MECOM: variants seen among roughly 807,000 people sequenced by gnomAD.
The protein encoded by MECOM is histone-lysine N-methyltransferase MECOM.
MECOM carries 13 observed loss-of-function variants against 116.3 expected under a neutral mutation model. The observed-to-expected ratio is 0.11, with a 90% CI of 0.07 to 0.18. The LOEUF (loss-of-function observed/expected upper bound fraction) is 0.18, where lower values mean the gene tolerates loss of function less well. Among genes scored for constraint, MECOM ranks in the 10% least tolerant of loss-of-function variants. The pLI is 1.00. For synonymous variants in MECOM, 528 were observed against 535.2 expected (o/e 0.99, Z 0.19); for missense variants, 1,299 against 1,509.0 (o/e 0.86, Z 2.31).
chr3:169,258,778 G>GT (rs1187532496), intron 2 of MECOM, among the ~76,000 whole-genome samples: 3 of 152,192 alleles, frequency 2.0e-5, no homozygotes, highest in African/African-American at 7.2e-5. Flanking sequence ...AACATTTTAA[G>GT]TACCTCCACT....
rs140006697 is a variant in MECOM at position 169,468,116 on chromosome 3, AT to A, written c.38-86593del. Among the ~76,000 whole-genome samples the A allele has an allele frequency of 4.7e-5, 7 of 149,872 alleles. No homozygotes were observed. In the East Asian group the frequency reaches 5.9e-4, roughly 13 times the overall value. ...TGCTTCTTACTAACAAAACCCACTA[AT>A]TTTTTTTTTCATCTGCCTATCACCT... is the stretch of plus-strand genomic sequence containing the variant. On this transcript the variant is annotated intron_variant, in intron 1 of 16. Transcript: ENST00000651503.
intron 1 of MECOM, among the ~76,000 whole-genome samples, chr3:169,545,810 G>T (rs566964901): frequency 1.3e-3 from 199 of 152,200 alleles, no homozygotes; most frequent in Non-Finnish European, 2.3e-3. Flanking sequence ...GCTGCCACTT[G>T]CTCTGACCAT....
At chr3:169,588,195 C>T (rs1191178630) in intron 1 of MECOM, among the ~76,000 whole-genome samples, 1 of 152,162 alleles carries the variant, frequency 6.6e-6, no homozygotes, top group African/African-American at 2.4e-5. Context: ...TGTAAGCACT[C>T]ATTTTATCAA....
At chr3:169,394,308 T>C (rs1411528919) in intron 1 of MECOM, among the ~76,000 whole-genome samples, 1 of 152,174 alleles carries the variant, frequency 6.6e-6, no homozygotes, top group African/African-American at 2.4e-5. Flanking sequence ...TACAATCTTG[T>C]TGGGGAGATA....
rs574476172 is a variant in MECOM at position 169,349,975 on chromosome 3, A to G, written c.375+31212T>C. ...TTATAATGGCTACAATTCAATTAAT[A>G]TATCTACTTATAATATCAATATTTA... On this transcript the variant is annotated intron_variant, in intron 2 of 16. Coordinates refer to ENST00000651503, the MANE Select transcript of MECOM (RefSeq NM_004991.4). Among the ~76,000 whole-genome samples the G allele has an allele frequency of 2.4e-4, 36 of 152,132 alleles. No homozygotes were observed. The South Asian group carries it at 3.7e-3, about 16-fold the overall frequency.
At position 169,121,181 on chromosome 3, in the gene MECOM, C is replaced by T. The variant is rs1223083082; in HGVS notation, c.1007G>A (p.Arg336Gln). 6.8e-6 allele frequency: 11 copies of T among 1,611,930 alleles called. No homozygotes were observed. The highest frequency in any genetic ancestry group is 1.3e-5 in the African/African-American group (1 of 74,896). ...ACCGACATGCTGAGAGCGAATGTGC[C>T]GCTGAAGGTTGCTAGGGTCCGTGAA... ...KVFTDPSNLQ[R>Q]HIRSQHVGAR... Residue 336 changes from arginine (R) to glutamine (Q), a missense_variant, in exon 7 of 17, where the codon CGG becomes CAG. Physicochemically the swap from Arg to Gln is conservative, Grantham distance 43. Around this residue, in one of 6 missense-constraint regions of MECOM, gnomAD observed 374 missense variants for 433.4 expected, o/e 0.86. Coordinates refer to ENST00000651503, the MANE Select transcript of MECOM (RefSeq NM_004991.4).
intron 1 of MECOM, among the ~76,000 whole-genome samples, chr3:169,548,970 TC>T (rs147632986): frequency 8.2e-5 from 11 of 133,436 alleles, no homozygotes; most frequent in Non-Finnish European, 1.4e-4. Flanking sequence ...CATTTGTCTC[TC>T]TTTTTTTTTT....
intron 1 of MECOM, chr3:169,476,794 C>T (rs2108824861): frequency 6.6e-6 from 1 of 151,762 alleles, no homozygotes; most frequent in Non-Finnish European, 1.5e-5. Context: ...TTGAGATTAC[C>T]CTTGTGAAGC....
intron 2 of MECOM, among the ~76,000 whole-genome samples, chr3:169,376,619 A>C (rs1290793): frequency 0.81 from 122,581 of 152,014 alleles, 50,028 homozygotes; most frequent in African/African-American, 0.94. Context: ...ATACTACTTA[A>C]AAGGGAAGTG....
intron 1 of MECOM, among the ~76,000 whole-genome samples, chr3:169,598,892 G>A (rs868711739): frequency 6.6e-6 from 1 of 152,182 alleles, no homozygotes; most frequent in Non-Finnish European, 1.5e-5. Context: ...TCAAAGGAAA[G>A]AGAAGAGAGA....
intron 1 of MECOM, among the ~76,000 whole-genome samples, chr3:169,589,246 A>G (rs768741962): frequency 6.6e-6 from 1 of 152,154 alleles, no homozygotes; most frequent in East Asian, 1.9e-4. Context: ...AAGATGGAGA[A>G]GAAGGCCCCA....
At position 169,287,548 on chromosome 3, in the gene MECOM, G is replaced by A. The variant is rs1294500724; in HGVS notation, c.375+93639C>T. The stretch of plus-strand genomic sequence containing the variant: ...CAGAGAAATGGGAATATAGATTTTT[G>A]TTGATTTACTTTAGAAACAAACATG... On this transcript the variant is annotated intron_variant, in intron 2 of 16. Coordinates refer to ENST00000651503, the MANE Select transcript of MECOM (RefSeq NM_004991.4). Among the ~76,000 whole-genome samples, 3 of 152,212 alleles carry A rather than the reference G, an allele frequency of 2.0e-5. No individual in the cohort carries two copies. In the East Asian group the frequency reaches 5.8e-4, roughly 29 times the overall value.
At chr3:169,602,454 G>A (rs1767944288) in intron 1 of MECOM, among the ~76,000 whole-genome samples, 1 of 152,150 alleles carries the variant, frequency 6.6e-6, no homozygotes, top group South Asian at 2.1e-4. Flanking sequence ...ACCAATATCA[G>A]ATTTCTCAAC....
intron 2 of MECOM, among the ~76,000 whole-genome samples, chr3:169,208,313 GTATTA>G (rs1222698973): frequency 2.0e-5 from 3 of 147,508 alleles, no homozygotes; most frequent in African/African-American, 2.5e-5. Flanking sequence ...TATATAATAT[GTATTA>G]TATTATATAT....
intron 1 of MECOM, among the ~76,000 whole-genome samples, chr3:169,638,664 C>T (rs991466949): frequency 6.6e-6 from 1 of 152,230 alleles, no homozygotes; most frequent in African/African-American, 2.4e-5. Flanking sequence ...GCCTGCCTGA[C>T]ATTAAGACCT....
chr3:169,364,731 C>T (rs1036517902), intron 2 of MECOM, among the ~76,000 whole-genome samples: 2 of 152,002 alleles, frequency 1.3e-5, no homozygotes, highest in African/African-American at 4.8e-5. Flanking sequence ...GCATCTTTAT[C>T]GCTCCCAGGT....
intron 2 of MECOM, among the ~76,000 whole-genome samples, chr3:169,181,688 TGACAGTGTGACCCA>T (rs1157669096): frequency 6.6e-6 from 1 of 152,184 alleles, no homozygotes; most frequent in Non-Finnish European, 1.5e-5. Context: ...ATAGGGTTAG[TGACAGTGTGACCCA>T]GAGGTCCTGG....
chr3:169,607,930 T>C (rs1768794488), intron 1 of MECOM, among the ~76,000 whole-genome samples: 1 of 152,236 alleles, frequency 6.6e-6, no homozygotes, highest in African/African-American at 2.4e-5. Context: ...CAGCCAGCTC[T>C]CTGGCAAATC....
chr3:169,362,568 G>A (rs1192348092), intron 2 of MECOM, among the ~76,000 whole-genome samples: 2 of 151,866 alleles, frequency 1.3e-5, no homozygotes, highest in East Asian at 3.9e-4. Context: ...GAGGGGTGGG[G>A]GCTAGGAGTA....
Sources: gnomAD v4.1 joint callset for allele counts (sites outside exome capture counted in the v4.1 genomes callset) on GRCh38, gnomAD v4.1.1 for gene constraint, gnomAD v4.1.1 regional missense constraint, MANE v1.5 for transcripts, NCBI Gene and HGNC (gene_info 2026-07-23, HGNC 2026-07-21) for gene names.